The following ACTMAP variants were observed in gnomAD, a reference collection of about 807,000 sequenced individuals.
ACTMAP encodes the protein actin maturation protease.
chr19:40,745,606 C>T, the ACTMAP span, among the ~76,000 whole-genome samples: 1 of 152,156 alleles, frequency 6.6e-6, no homozygotes, highest in Non-Finnish European at 1.5e-5. Context: ...TCAAGTTATT[C>T]CTCCTGCCTC....
the ACTMAP span, chr19:40,749,414 C>T: frequency 3.0e-5 from 43 of 1,424,904 alleles, no homozygotes; most frequent in Admixed American, 7.5e-5. Flanking sequence ...ACCCCCCCCC[C>T]ACCCCAAGAG....
the ACTMAP span, chr19:40,742,376 G>T: frequency 7.0e-7 from 1 of 1,419,180 alleles, no homozygotes; most frequent in Non-Finnish European, 9.3e-7. Context: ...TGGGAGAAGT[G>T]TAGGCACACT....
At chr19:40,746,341 T>G in the ACTMAP span, among the ~76,000 whole-genome samples, 6 of 152,062 alleles carry the variant, frequency 3.9e-5, no homozygotes, top group Admixed American at 6.5e-5. Flanking sequence ...TGCCTCAGCC[T>G]CCTGAGTAGC....
the ACTMAP span, among the ~76,000 whole-genome samples, chr19:40,746,432 G>C: frequency 6.6e-6 from 1 of 151,738 alleles, no homozygotes; most frequent in African/African-American, 2.4e-5. Context: ...CTGGAGTGCA[G>C]TGGCCCGATC....
the ACTMAP span, chr19:40,744,206 G>A: frequency 5.8e-6 from 9 of 1,556,812 alleles, no homozygotes; most frequent in Non-Finnish European, 7.0e-6. Flanking sequence ...ACTGCAGGGT[G>A]AGAGCACACA....
the ACTMAP span, chr19:40,744,224 C>T: frequency 6.5e-7 from 1 of 1,530,088 alleles, no homozygotes; most frequent in Non-Finnish European, 8.8e-7. Context: ...ACAGAGGGGG[C>T]TTGCTGCATG....
the ACTMAP span, chr19:40,744,838 G>A: frequency 1.7e-6 from 2 of 1,202,102 alleles, no homozygotes; most frequent in Non-Finnish European, 1.1e-6. Context: ...GAGAGCCCAG[G>A]GCTGGAGGGC....
At chr19:40,744,538 G>T in the ACTMAP span, 2 of 1,612,366 alleles carry the variant, frequency 1.2e-6, no homozygotes. Context: ...AGATGATGGA[G>T]CATGCAGTCA....
chr19:40,749,845 G>A, the ACTMAP span: 1 of 1,334,764 alleles, frequency 7.5e-7, no homozygotes, highest in African/African-American at 1.5e-5. Flanking sequence ...AGAAAGCGGG[G>A]AGGGAAGGAT....
the ACTMAP span, chr19:40,744,625 G>T: frequency 6.2e-7 from 1 of 1,613,842 alleles, no homozygotes; most frequent in South Asian, 1.1e-5. Flanking sequence ...CTCTCCAGGG[G>T]GACGCCACTG....
chr19:40,746,684 A>AT, the ACTMAP span, among the ~76,000 whole-genome samples: 1 of 150,546 alleles, frequency 6.6e-6, no homozygotes, highest in East Asian at 2.0e-4. Context: ...CCTTTTTTGT[A>AT]TTTTTAGTAG....
At chr19:40,744,843 G>A in the ACTMAP span, 1 of 1,191,156 alleles carries the variant, frequency 8.4e-7, no homozygotes, top group South Asian at 1.6e-5. Context: ...CCCAGGGCTG[G>A]AGGGCTGGGG....
the ACTMAP span, chr19:40,742,835 A>G: frequency 6.8e-7 from 1 of 1,462,574 alleles, no homozygotes; most frequent in East Asian, 2.4e-5. Flanking sequence ...GGGGCTCACT[A>G]AGTTCCGCCC....
the ACTMAP span, among the ~76,000 whole-genome samples, chr19:40,748,498 G>A: frequency 2.0e-5 from 3 of 152,076 alleles, no homozygotes; most frequent in South Asian, 2.1e-4. Context: ...CCTAGGTCTG[G>A]CACTCTCCTT....
the ACTMAP span, chr19:40,741,623 C>T: frequency 3.1e-5 from 13 of 420,564 alleles, no homozygotes; most frequent in Non-Finnish European, 5.8e-5. Flanking sequence ...AGTTTGTGGT[C>T]AGCACCATAA....
the ACTMAP span, among the ~76,000 whole-genome samples, chr19:40,742,950 A>C: frequency 0.14 from 20,542 of 152,152 alleles, 1,501 homozygotes; most frequent in Middle Eastern, 0.19. Context: ...CCCGGCTCCA[A>C]AGCTGTAGGT....
chr19:40,744,504 C>A, the ACTMAP span: 1 of 1,601,914 alleles, frequency 6.2e-7, no homozygotes, highest in East Asian at 2.2e-5. Flanking sequence ...CCCACCCAGC[C>A]TCTCTGGTCC....
the ACTMAP span, chr19:40,744,693 G>C: frequency 1.2e-6 from 2 of 1,600,794 alleles, no homozygotes; most frequent in Non-Finnish European, 1.7e-6. Flanking sequence ...TCTGGGGACA[G>C]AGAGGCCCAG....
At chr19:40,745,278 T>C in the ACTMAP span, 1 of 1,352,460 alleles carries the variant, frequency 7.4e-7, no homozygotes, top group Non-Finnish European at 1.0e-6. Context: ...GGAGTGGTCG[T>C]ATCCAGGGAT....
Sources: allele counts gnomAD v4.1 joint callset (sites outside exome capture counted in the v4.1 genomes callset), GRCh38; gene constraint gnomAD v4.1.1; transcripts MANE v1.5; gene names NCBI Gene and HGNC (gene_info 2026-07-23, HGNC 2026-07-21).